GABRB2: variants seen among roughly 807,000 people sequenced by gnomAD.
GABRB2 encodes gamma-aminobutyric acid receptor subunit beta-2.
Under a neutral mutation model 54.7 loss-of-function variants are expected in GABRB2, and 16 were observed. The observed-to-expected ratio is 0.29, with a 90% CI of 0.20 to 0.44. GABRB2 has a LOEUF of 0.44. GABRB2 is among the 20% of genes least tolerant of loss of function. The pLI, the probability that GABRB2 is intolerant of heterozygous loss-of-function variation, is 1.00. For missense variants in GABRB2, 355 were observed against 644.0 expected (o/e 0.55, Z 4.86); for synonymous variants, 244 against 233.8 (o/e 1.04, Z -0.40).
chr5:161,361,231 T>C (rs1377998725), intron 5 of GABRB2, among the ~76,000 whole-genome samples: 4 of 152,064 alleles, frequency 2.6e-5, no homozygotes, highest in Admixed American at 6.6e-5. Context: ...AAATGATATA[T>C]CTAAATATAT....
At chr5:161,417,528 T>A (rs989958187) in intron 4 of GABRB2, among the ~76,000 whole-genome samples, 7 of 152,194 alleles carry the variant, frequency 4.6e-5, no homozygotes, top group Admixed American at 1.3e-4. Context: ...CTTGGTAAAG[T>A]CATTTAGCTT....
At chr5:161,319,705 CTCTTTGT>C (rs1471731019) in intron 9 of GABRB2, among the ~76,000 whole-genome samples, 1 of 151,510 alleles carries the variant, frequency 6.6e-6, no homozygotes, top group Non-Finnish European at 1.5e-5. Context: ...GTTTTTCCTT[CTCTTTGT>C]TATTATTTAC....
intron 9 of GABRB2, among the ~76,000 whole-genome samples, chr5:161,310,646 TACAC>T (rs201208068): frequency 6.6e-6 from 1 of 151,208 alleles, no homozygotes; most frequent in African/African-American, 2.5e-5. Context: ...TTCTTTCGTG[TACAC>T]ACACATGCAC....
chr5:161,457,199 G>A (rs2113255848), intron 4 of GABRB2, among the ~76,000 whole-genome samples: 1 of 152,204 alleles, frequency 6.6e-6, no homozygotes, highest in South Asian at 2.1e-4. Context: ...CCTCTCCGTG[G>A]GGAAGTGTTA....
At chr5:161,386,574 C>A (rs1051391323) in intron 5 of GABRB2, among the ~76,000 whole-genome samples, 1 of 152,024 alleles carries the variant, frequency 6.6e-6, no homozygotes, top group African/African-American at 2.4e-5. Context: ...GAGACAAGGT[C>A]TCACTCTGTC....
At chr5:161,459,053 A>C (rs1447212762) in intron 4 of GABRB2, 1 of 152,894 alleles carries the variant, frequency 6.5e-6, no homozygotes, top group East Asian at 1.9e-4. Context: ...AAACTATCTT[A>C]TTCTATAAAT....
chr5:161,371,176 A>C (rs1384004993), intron 5 of GABRB2, among the ~76,000 whole-genome samples: 1 of 152,166 alleles, frequency 6.6e-6, no homozygotes, highest in Non-Finnish European at 1.5e-5. Context: ...GGCTGTTATT[A>C]CAAGACAATA....
At chr5:161,422,231 G>C (rs142651673) in intron 4 of GABRB2, among the ~76,000 whole-genome samples, 3 of 152,140 alleles carry the variant, frequency 2.0e-5, no homozygotes, top group Middle Eastern at 3.4e-3. Context: ...TTTATTTATA[G>C]TTGGGCAAAA....
intron 4 of GABRB2, among the ~76,000 whole-genome samples, chr5:161,415,291 T>C (rs562192035): frequency 1.3e-5 from 2 of 152,292 alleles, no homozygotes; most frequent in African/African-American, 4.8e-5. Flanking sequence ...TTCTGTAGGG[T>C]AAATTCTATT....
intron 3 of GABRB2, among the ~76,000 whole-genome samples, chr5:161,463,340 C>A (rs1361245256): frequency 1.3e-5 from 2 of 150,286 alleles, no homozygotes; most frequent in Admixed American, 6.7e-5. Flanking sequence ...CACACACACA[C>A]ACACACACCT....
chr5:161,530,799 G>A (rs779415914), intron 3 of GABRB2, among the ~76,000 whole-genome samples: 140 of 152,208 alleles, frequency 9.2e-4, no homozygotes, highest in Non-Finnish European at 7.1e-4. Context: ...AGAATGGTTT[G>A]CTACACATGC....
At position 161,473,162 on chromosome 5, in the gene GABRB2, C is replaced by T. The variant is rs564943964; in HGVS notation, c.238-13318G>A. 2.0e-5 allele frequency among the ~76,000 whole-genome samples: 3 copies of T among 152,014 alleles called. No homozygotes were observed. In the East Asian group the frequency reaches 5.8e-4, roughly 30 times the overall value. On this transcript the variant is annotated intron_variant, in intron 3 of 9. Transcript: ENST00000393959. The stretch of plus-strand genomic sequence containing the variant: ...ATAAGACGGAAATTCAGATTATGCC[C>T]TAATGCTTAGAGGATTTTCCAAATT...
At chr5:161,458,703 C>T (rs1242463304) in intron 4 of GABRB2, among the ~76,000 whole-genome samples, 1 of 152,186 alleles carries the variant, frequency 6.6e-6, no homozygotes, top group Admixed American at 6.5e-5. Context: ...CATTTGAAAA[C>T]AAAGACAATA....
chr5:161,542,859 C>A (rs906341134), intron 3 of GABRB2, among the ~76,000 whole-genome samples: 4 of 152,204 alleles, frequency 2.6e-5, no homozygotes, highest in Non-Finnish European at 5.9e-5. Flanking sequence ...GACCTACATA[C>A]AGGGTACAAC....
intron 8 of GABRB2, 55 bp downstream of exon 8, chr5:161,330,828 G>T: frequency 6.2e-7 from 1 of 1,610,908 alleles, no homozygotes; most frequent in Non-Finnish European, 8.5e-7. Flanking sequence ...AACCTGTATT[G>T]CTAGCATTCT....
chr5:161,326,849 T>C (rs1758378832), intron 8 of GABRB2: 2 of 322,474 alleles, frequency 6.2e-6, no homozygotes, highest in Admixed American at 1.3e-4. Flanking sequence ...TGCAGGTGCA[T>C]TTGATATGTG....
chr5:161,370,804 A>G (rs1320368677), intron 5 of GABRB2, among the ~76,000 whole-genome samples: 1 of 152,214 alleles, frequency 6.6e-6, no homozygotes, highest in Non-Finnish European at 1.5e-5. Context: ...AACATGGAAG[A>G]GTACCCAAGT....
At chr5:161,310,292 C>T (rs1757822456) in intron 9 of GABRB2, among the ~76,000 whole-genome samples, 1 of 152,116 alleles carries the variant, frequency 6.6e-6, no homozygotes, top group African/African-American at 2.4e-5. Flanking sequence ...CAAACCTGCA[C>T]GTGTACCCCT....
chr5:161,336,568 G>T, intron 6 of GABRB2, 64 bp downstream of exon 6: 1 of 1,566,874 alleles, frequency 6.4e-7, no homozygotes, highest in Non-Finnish European at 8.7e-7. Context: ...TCTAATATAA[G>T]TGAACATGTT....
Sources: gnomAD v4.1 joint callset for allele counts (sites outside exome capture counted in the v4.1 genomes callset) on GRCh38, gnomAD v4.1.1 for gene constraint, MANE v1.5 for transcripts, NCBI Gene and HGNC (gene_info 2026-07-23, HGNC 2026-07-21) for gene names.